DHX9: variants seen among roughly 807,000 people sequenced by gnomAD.
DHX9 encodes DExH-box helicase 9, also known as ATP-dependent RNA helicase A.
Under a neutral mutation model 148.7 loss-of-function variants are expected in DHX9, and 27 were observed. That is an observed-to-expected ratio of 0.18 (90% CI 0.13 to 0.25). The LOEUF is 0.25. DHX9 is among the 10% of genes least tolerant of loss of function. The pLI, the probability that DHX9 is intolerant of heterozygous loss-of-function variation, is 1.00. For missense variants in DHX9, 796 were observed against 1,559.6 expected (o/e 0.51, Z 8.25); for synonymous variants, 529 against 516.6 (o/e 1.02, Z -0.33).
Position 182,858,087 on chromosome 1 carries a change from C to T in DHX9, c.674-17C>T. ...GATGATTTCTTTCTGTCTGATAATC[C>T]TGACCTTACATTATAGGGATTTTTG... is the stretch of plus-strand genomic sequence containing the variant. On this transcript the variant is annotated splice_polypyrimidine_tract_variant and intron_variant, in intron 7 of 27. Transcript: ENST00000367549. 6.2e-7 allele frequency: 1 copy of T among 1,606,886 alleles called. No homozygotes were observed. Among genetic ancestry groups the T allele is most frequent in the Non-Finnish European group, 8.5e-7 (1 of 1,177,670 alleles).
At chr1:182,853,272 T>C (rs1668189744) in intron 4 of DHX9, 34 bp from the exon 5 acceptor site, 1 of 1,446,974 alleles carries the variant, frequency 6.9e-7, no homozygotes, top group Non-Finnish European at 9.6e-7. Context: ...TCTACAGTTA[T>C]GACTCATTAA....
At position 182,876,033 on chromosome 1, in the gene DHX9, C is replaced by T; in HGVS notation, c.1816-17C>T. On this transcript the variant is annotated splice_polypyrimidine_tract_variant and intron_variant, in intron 16 of 27. Coordinates refer to ENST00000367549, the MANE Select transcript of DHX9 (RefSeq NM_001357.5). ...TAACTGAGACAATCCAAAAATATGT[C>T]TCCCTGTTTTTTACAGGCAAATTGC... 4 of 1,607,386 alleles carry T rather than the reference C, an allele frequency of 2.5e-6. No individual in the cohort carries two copies. The highest frequency in any genetic ancestry group is 3.4e-6 in the Non-Finnish European group (4 of 1,174,852).
chr1:182,854,310 G>T, intron 6 of DHX9, 132 bp downstream of exon 6: 1 of 823,228 alleles, frequency 1.2e-6, no homozygotes, highest in Non-Finnish European at 1.8e-6. Context: ...AAAAGATAAC[G>T]TTAATTTGCA....
Position 182,867,130 on chromosome 1 carries a change from C to T in DHX9, c.1557+87C>T, listed in dbSNP as rs1009710581. The T allele has an allele frequency of 4.1e-5, 32 of 785,008 alleles. 1 individual carries two copies. Among genetic ancestry groups the T allele is most frequent in the Admixed American group, 1.2e-4 (4 of 32,772 alleles). The allele number at this position is 785,008 out of a possible 1,614,324, so 48.6% of individuals were successfully genotyped here. A position where few individuals can be genotyped will look rare whatever the true frequency, so the allele number is the denominator to read the frequency against. On this transcript the variant is annotated intron_variant, in intron 14 of 27. Coordinates refer to ENST00000367549, the MANE Select transcript of DHX9 (RefSeq NM_001357.5). The stretch of plus-strand genomic sequence containing the variant: ...GAATGTCTTTGTTTTCCCTTTCCCC[C>T]GTTTTTATCATTATCAAAACCATGA...
chr1:182,860,027 A>C lies in DHX9; in HGVS notation c.1175A>C (p.Lys392Thr). 1 of 1,613,600 alleles carries C rather than the reference A, an allele frequency of 6.2e-7. No homozygotes were observed. Among genetic ancestry groups the C allele is most frequent in the Non-Finnish European group, 8.5e-7 (1 of 1,179,796 alleles). Residue 392 changes from lysine (K) to threonine (T), a missense_variant, in exon 12 of 28, where the codon AAA (lysine) becomes ACA (threonine). Physicochemically the swap from Lys to Thr is moderately conservative, Grantham distance 78 (BLOSUM62 -1). Coordinates refer to ENST00000367549, the MANE Select transcript of DHX9 (RefSeq NM_001357.5). ...GAGAGAGAGTTACTGCCTGTGAAGA[A>C]ATTTGAAAGTGAGATTCTGGAAGCA... Reference protein sequence around the residue: ...LQERELLPVKKFESEILEAIS... With the variant: ...LQERELLPVKTFESEILEAIS...
At chr1:182,879,214 A>G (rs753905004) in intron 20 of DHX9, 36 bp from the exon 21 acceptor site, 1 of 1,430,506 alleles carries the variant, frequency 7.0e-7, no homozygotes. Flanking sequence ...GTGTATACAC[A>G]AGGAGGATGG....
chr1:182,867,154 G>T, intron 14 of DHX9, 111 bp downstream of exon 14: 1 of 632,626 alleles, frequency 1.6e-6, no homozygotes. Context: ...TCAAAACCAT[G>T]AACTTCAGTC....
chr1:182,864,651 C>T (rs1043029159), intron 12 of DHX9, among the ~76,000 whole-genome samples: 16 of 152,152 alleles, frequency 1.1e-4, no homozygotes, highest in African/African-American at 2.9e-4. Flanking sequence ...ATCAGAGAAG[C>T]ATATAAAATA....
intron 14 of DHX9, 39 bp from the exon 15 acceptor site, chr1:182,872,296 CTT>C (rs754927705): frequency 7.1e-6 from 11 of 1,557,452 alleles, no homozygotes; most frequent in African/African-American, 4.1e-5. Context: ...GTTATATAAA[CTT>C]AATGTAATTT....
In DHX9 at chr1:182,878,054, T is replaced by C. The variant is rs762924181; in HGVS notation, c.2232T>C (p.Asn744=). 2 of 1,614,214 alleles carry C rather than the reference T, an allele frequency of 1.2e-6. No individual in the cohort carries two copies. Among genetic ancestry groups the C allele is most frequent in the East Asian group, 2.2e-5 (1 of 44,880 alleles). ...QKVKLFTAHN[N]MTNYATVWAS... Reference sequence around the variant, plus strand: ...TGAAACTCTTCACTGCTCACAACAATATGACCAACTATGCTACCGTATGGG... The same window carrying C: ...TGAAACTCTTCACTGCTCACAACAACATGACCAACTATGCTACCGTATGGG... The change falls in exon 20 of 28, where the codon AAT becomes AAC. Residue 744 remains asparagine, a synonymous_variant. Transcript: ENST00000367549.
At position 182,876,359 on chromosome 1, in the gene DHX9, C is replaced by A. The variant is rs1359143632; in HGVS notation, c.2030-88C>A. Reference sequence around the variant, plus strand: ...GTGAAAACAAAATTTTGTATTGTTTCTACTTTCGAATAAAAATATGTATAA... The same window carrying A: ...GTGAAAACAAAATTTTGTATTGTTTATACTTTCGAATAAAAATATGTATAA... On this transcript the variant is annotated intron_variant, in intron 17 of 27. Coordinates refer to ENST00000367549, the MANE Select transcript of DHX9 (RefSeq NM_001357.5). 6 of 1,559,762 alleles carry A rather than the reference C, an allele frequency of 3.8e-6. No homozygotes were observed. The Admixed American group carries it at 1.0e-4, about 27-fold the overall frequency.
In DHX9 at chr1:182,864,267, A is replaced by G. The variant is rs557691710; in HGVS notation, c.1333-2177A>G. 8.5e-5 allele frequency among the ~76,000 whole-genome samples: 13 copies of G among 152,302 alleles called. No homozygotes were observed. In the South Asian group the frequency reaches 2.7e-3, roughly 32 times the overall value. Reference sequence around the variant, plus strand: ...TGACCTAACTGATGTTTATTTTTGTAGAGATGGTGTCTCACTGTGTTGCCC... The same window carrying G: ...TGACCTAACTGATGTTTATTTTTGTGGAGATGGTGTCTCACTGTGTTGCCC... On this transcript the variant is annotated intron_variant, in intron 12 of 27. Coordinates refer to ENST00000367549, the MANE Select transcript of DHX9 (RefSeq NM_001357.5).
In DHX9 at chr1:182,887,128, T is replaced by C. The variant is rs931272674; in HGVS notation, c.3507T>C (p.Asn1169=). Reference sequence around the variant, plus strand: ...CTCCCAAGATGGCCCGATACGACAATGGAAGCGGATATAGAAGGGGAGGTT... The same window carrying C: ...CTCCCAAGATGGCCCGATACGACAACGGAAGCGGATATAGAAGGGGAGGTT... ...PRPPKMARYD[N]GSGYRRGGSS... is the part of the protein sequence containing the mutation. The change falls in exon 28 of 28, where the codon AAT becomes AAC. Residue 1169 remains asparagine (N), a synonymous_variant. Transcript: ENST00000367549. 1.5e-5 allele frequency: 24 copies of C among 1,613,996 alleles called. No homozygotes were observed. The highest frequency in any genetic ancestry group is 1.5e-4 in the African/African-American group (11 of 74,906).
intron 12 of DHX9, among the ~76,000 whole-genome samples, chr1:182,864,687 A>AT (rs1384065146): frequency 6.6e-6 from 1 of 152,178 alleles, no homozygotes; most frequent in Non-Finnish European, 1.5e-5. Flanking sequence ...GGGGTCATTT[A>AT]TTTCTTTGCT....
intron 24 of DHX9, among the ~76,000 whole-genome samples, chr1:182,882,462 T>TC (rs1231451512): frequency 6.6e-6 from 1 of 152,200 alleles, no homozygotes; most frequent in Non-Finnish European, 1.5e-5. Flanking sequence ...TTAGATTATC[T>TC]CCATCTTCTC....
At chr1:182,881,878 TCTAC>T (rs1352204877) in intron 24 of DHX9, among the ~76,000 whole-genome samples, 3 of 152,238 alleles carry the variant, frequency 2.0e-5, no homozygotes, top group African/African-American at 7.2e-5. Context: ...TGAAGTAAAT[TCTAC>T]CACATTAAAT....
At chr1:182,871,937 C>T (rs1020119602) in intron 14 of DHX9, among the ~76,000 whole-genome samples, 5 of 152,060 alleles carry the variant, frequency 3.3e-5, no homozygotes, top group African/African-American at 1.2e-4. Context: ...CTCCTGAGTA[C>T]CTGGGATTAC....
chr1:182,882,638 A>ATG, intron 24 of DHX9, among the ~76,000 whole-genome samples: 1 of 152,254 alleles, frequency 6.6e-6, no homozygotes, highest in South Asian at 2.1e-4. Context: ...AGGCCGAGTC[A>ATG]GGTGGATCAC....
chr1:182,860,724 C>T (rs994431250), intron 12 of DHX9, among the ~76,000 whole-genome samples: 6 of 152,204 alleles, frequency 3.9e-5, no homozygotes, highest in Admixed American at 1.3e-4. Context: ...GATTAAAAAA[C>T]CAAGCAATCC....
Sources: allele counts gnomAD v4.1 joint callset (sites outside exome capture counted in the v4.1 genomes callset), GRCh38; gene constraint gnomAD v4.1.1; transcripts MANE v1.5; gene names NCBI Gene and HGNC (gene_info 2026-07-23, HGNC 2026-07-21).